SLC47A1: variants seen among roughly 807,000 people sequenced by gnomAD.
The protein encoded by SLC47A1 is solute carrier family 47 member 1, also known as multidrug and toxin extrusion protein 1.
SLC47A1 carries 58 observed loss-of-function variants against 65.8 expected under a neutral mutation model. That is an observed-to-expected ratio of 0.88 (90% CI 0.71 to 1.10). The LOEUF (loss-of-function observed/expected upper bound fraction) is 1.10. Ranked by LOEUF, SLC47A1 falls within the 50% of genes least tolerant of loss-of-function variation. The pLI, the probability that SLC47A1 is intolerant of heterozygous loss-of-function variation, is 0.00. For missense variants in SLC47A1, 706 were observed against 719.2 expected (o/e 0.98, Z 0.21); for synonymous variants, 285 against 295.0 (o/e 0.97, Z 0.35).
chr17:19,538,000 A>G (rs186202037), intron 1 of SLC47A1, among the ~76,000 whole-genome samples: 1 of 152,156 alleles, frequency 6.6e-6, no homozygotes, highest in East Asian at 1.9e-4. Context: ...CATCATGCAA[A>G]TGTCTTGAGC....
chr17:19,562,991 C>G (rs988644238), intron 12 of SLC47A1, among the ~76,000 whole-genome samples: 2 of 152,000 alleles, frequency 1.3e-5, no homozygotes, highest in Non-Finnish European at 2.9e-5. Flanking sequence ...TAAGAGACTA[C>G]TTTGCACAAC....
At chr17:19,549,033 TC>T (rs1916370846) in intron 4 of SLC47A1, among the ~76,000 whole-genome samples, 1 of 152,120 alleles carries the variant, frequency 6.6e-6, no homozygotes, top group Non-Finnish European at 1.5e-5. Context: ...CTGTGGAACA[TC>T]CTGCAGTGCT....
intron 1 of SLC47A1, among the ~76,000 whole-genome samples, chr17:19,541,658 A>G (rs1488591667): frequency 6.6e-6 from 1 of 152,140 alleles, no homozygotes; most frequent in Admixed American, 6.6e-5. Flanking sequence ...CGCTACCTCC[A>G]GCTCCTCCTG....
At chr17:19,540,086 A>G (rs1178353029) in intron 1 of SLC47A1, among the ~76,000 whole-genome samples, 2 of 152,184 alleles carry the variant, frequency 1.3e-5, no homozygotes, top group African/African-American at 4.8e-5. Flanking sequence ...TGCATCTCAC[A>G]TGGATTAGTC....
At chr17:19,539,481 A>T (rs1916080082) in intron 1 of SLC47A1, among the ~76,000 whole-genome samples, 1 of 151,164 alleles carries the variant, frequency 6.6e-6, no homozygotes, top group African/African-American at 2.4e-5. Context: ...AGCCCCAGGG[A>T]ACTCCTGGGT....
rs1303329308 is a variant in SLC47A1, at chr17:19,578,773, C to A, written c.*1220C>A. The A allele has an allele frequency of 6.6e-6, 1 of 152,190 alleles. No individual in the cohort carries two copies. Among genetic ancestry groups the A allele is most frequent in the East Asian group, 1.9e-4 (1 of 5,202 alleles). The allele number at this position is 152,190 out of a possible 1,614,324, so 9.4% of individuals were successfully genotyped here. On this transcript the variant is annotated 3_prime_UTR_variant, in exon 17 of 17. Coordinates refer to ENST00000270570, the MANE Select transcript of SLC47A1 (RefSeq NM_018242.3). ...TGAAACTGCGTGCTGTAAGCTGGGACCAGCTTTGTCCATAACTGCTGAGAG... is the reference window on the plus strand; with the variant it reads ...TGAAACTGCGTGCTGTAAGCTGGGAACAGCTTTGTCCATAACTGCTGAGAG...
intron 10 of SLC47A1, among the ~76,000 whole-genome samples, chr17:19,559,649 A>G (rs1388575827): frequency 2.6e-5 from 4 of 152,188 alleles, no homozygotes; most frequent in Non-Finnish European, 5.9e-5. Context: ...CTCCTGCCTC[A>G]GCCTGCTGAG....
At chr17:19,555,551 C>T (rs771773567) in intron 7 of SLC47A1, 42 bp from the exon 8 acceptor site, 18 of 1,578,192 alleles carry the variant, frequency 1.1e-5, no homozygotes, top group Middle Eastern at 1.7e-4. Context: ...CAGGGAGAGG[C>T]GCAGGAAGGT....
intron 1 of SLC47A1, among the ~76,000 whole-genome samples, chr17:19,537,180 C>A (rs1916009631): frequency 6.6e-6 from 1 of 152,216 alleles, no homozygotes; most frequent in African/African-American, 2.4e-5. Context: ...ATAGCCCAGG[C>A]CCCAGCTCAG....
At position 19,548,151 on chromosome 17, in the gene SLC47A1, G is replaced by T. The variant is rs570988312; in HGVS notation, c.455+18G>T. On this transcript the variant is annotated intron_variant, in intron 4 of 16. Coordinates refer to ENST00000270570, the MANE Select transcript of SLC47A1 (RefSeq NM_018242.3). ...GTGTCCAGGTAAGATGGAACCTGTC[G>T]CAGCGGGACTTGGCGTCCATCCCAC... 4 of 1,601,170 alleles carry T rather than the reference G, an allele frequency of 2.5e-6. No homozygotes were observed. The African/African-American group carries it at 4.0e-5, about 16-fold the overall frequency.
rs946175190 is a variant in SLC47A1, at chr17:19,555,574, T to C, written c.642-19T>C. ...GGCGCAGGAAGGTACCTCCCTCTCA[T>C]TGGGACTGTTCTTTCCAGAGGCTCT... On this transcript the variant is annotated intron_variant, in intron 7 of 16. Coordinates refer to ENST00000270570, the MANE Select transcript of SLC47A1 (RefSeq NM_018242.3). The C allele has an allele frequency of 3.1e-6, 5 of 1,612,352 alleles. No individual in the cohort carries two copies. Among genetic ancestry groups the C allele is most frequent in the Admixed American group, 1.7e-5 (1 of 60,002 alleles).
At chr17:19,551,080 G>A (rs921691919) in intron 5 of SLC47A1, among the ~76,000 whole-genome samples, 3 of 152,174 alleles carry the variant, frequency 2.0e-5, no homozygotes, top group Non-Finnish European at 4.4e-5. Flanking sequence ...CCACCACATA[G>A]GACCAGTCTA....
intron 12 of SLC47A1, among the ~76,000 whole-genome samples, chr17:19,565,409 C>T (rs1000475375): frequency 6.6e-6 from 1 of 152,006 alleles, no homozygotes; most frequent in African/African-American, 2.4e-5. Context: ...AGGTGCGTGC[C>T]ACTGTGCCCA....
intron 16 of SLC47A1, among the ~76,000 whole-genome samples, chr17:19,574,179 C>T (rs1313008875): frequency 1.3e-5 from 2 of 151,182 alleles, no homozygotes; most frequent in African/African-American, 4.9e-5. Flanking sequence ...CTCCTCGGCC[C>T]CCCAAAGTGC....
In SLC47A1 at chr17:19,574,880, C is replaced by T. The variant is rs532163715; in HGVS notation, c.1486+2019C>T. ...TGAACTCCTGACCTCAAGTGATCCG[C>T]CTGGCTCGGCCTCCCAAAGTACTGG... On this transcript the variant is annotated intron_variant, in intron 16 of 16. Transcript: ENST00000270570. Among the ~76,000 whole-genome samples the T allele has an allele frequency of 9.8e-5, 15 of 152,334 alleles. No homozygotes were observed. In the South Asian group the frequency reaches 2.7e-3, roughly 27 times the overall value.
chr17:19,571,284 T>G (rs2084397725), intron 14 of SLC47A1, among the ~76,000 whole-genome samples, 194 bp from the exon 15 acceptor site: 1 of 152,176 alleles, frequency 6.6e-6, no homozygotes, highest in African/African-American at 2.4e-5. Flanking sequence ...GTACTGGGCT[T>G]TCCAGAACCT....
intron 16 of SLC47A1, among the ~76,000 whole-genome samples, chr17:19,575,437 CA>C (rs1418073016): frequency 6.9e-6 from 1 of 144,674 alleles, no homozygotes; most frequent in African/African-American, 2.6e-5. Flanking sequence ...CTTGTTCTGT[CA>C]CCCAGGCTGG....
At chr17:19,553,902 A>G (rs1916527081) in intron 6 of SLC47A1, among the ~76,000 whole-genome samples, 2 of 152,158 alleles carry the variant, frequency 1.3e-5, no homozygotes, top group Non-Finnish European at 2.9e-5. Context: ...ACCTGTCTCC[A>G]TCCACTGCCA....
At chr17:19,548,781 C>T (rs935438306) in intron 4 of SLC47A1, among the ~76,000 whole-genome samples, 5 of 152,162 alleles carry the variant, frequency 3.3e-5, no homozygotes, top group Non-Finnish European at 7.3e-5. Flanking sequence ...GCCACCATGC[C>T]CGGCCAGGAT....
Sources: gnomAD v4.1 joint callset for allele counts (sites outside exome capture counted in the v4.1 genomes callset) on GRCh38, gnomAD v4.1.1 for gene constraint, MANE v1.5 for transcripts, NCBI Gene and HGNC (gene_info 2026-07-23, HGNC 2026-07-21) for gene names.